Variants in FKBPL observed in about 807,000 individuals in gnomAD.
FKBPL encodes the protein FK506-binding protein-like.
Under a neutral mutation model 27.9 loss-of-function variants are expected in FKBPL, and 31 were observed. That is an observed-to-expected ratio of 1.11 (90% CI 0.83 to 1.50). The LOEUF (loss-of-function observed/expected upper bound fraction) is 1.50. Ranked by LOEUF, FKBPL falls within the 40% of genes most tolerant of loss-of-function variation. The probability of loss-of-function intolerance (pLI) is 0.00; values close to 1 mark genes in which losing one functional copy is unlikely to be tolerated. For missense variants in FKBPL, 355 were observed against 425.9 expected (o/e 0.83, Z 1.46); for synonymous variants, 134 against 169.5 (o/e 0.79, Z 1.63).
At position 32,129,556 on chromosome 6, in the gene FKBPL, T is replaced by C. The variant is rs146458519; in HGVS notation, c.225A>G (p.Gly75=). 3.1e-5 allele frequency: 50 copies of C among 1,609,918 alleles called. No homozygotes were observed. The African/African-American group carries it at 4.9e-4, about 16-fold the overall frequency. ...GAEKLVAELE[G]DSHKSHGSTS... is the part of the protein sequence containing the mutation. ...TTGATCCATGAGACTTATGAGAGTCTCCTTCAAGTTCAGCAACCAGTTTTT... is the reference window on the plus strand; with the variant it reads ...TTGATCCATGAGACTTATGAGAGTCCCCTTCAAGTTCAGCAACCAGTTTTT... The change falls in exon 2 of 2, where the codon GGA becomes GGG. Residue 75 remains glycine (G), a synonymous_variant. Coordinates refer to ENST00000375156, the MANE Select transcript of FKBPL (RefSeq NM_022110.4). This position sits in a 1 kb window ranked among gnomAD's most constrained non-coding sequence, Gnocchi z 4.5.
chr6:32,128,816 G>A lies in FKBPL; in HGVS notation c.965C>T (p.Ala322Val), dbSNP rs1316162374. The stretch of plus-strand genomic sequence containing the variant: ...GACCACCTTCCCCAGTTCCTCCTGG[G>A]CTGCCCGGTTTTTGGGATCTATCGC... Reference protein sequence around the residue: ...VLAIDPKNRAAQEELGKVVIQ... With the variant: ...VLAIDPKNRAVQEELGKVVIQ... Residue 322 changes from alanine (A) to valine (V), a missense_variant, in exon 2 of 2, where the codon GCC (alanine) becomes GTC (valine). Ala to Val is a moderately conservative substitution (Grantham distance 64, BLOSUM62 0). Transcript: ENST00000375156. 11 of 1,614,098 alleles carry A rather than the reference G, an allele frequency of 6.8e-6. No individual in the cohort carries two copies. The highest frequency in any genetic ancestry group is 8.5e-6 in the Non-Finnish European group (10 of 1,180,038).
In FKBPL at chr6:32,129,320, T is replaced by G; in HGVS notation, c.461A>C (p.Glu154Ala). 1 of 1,614,050 alleles carries G rather than the reference T, an allele frequency of 6.2e-7. No homozygotes were observed. The highest frequency in any genetic ancestry group is 8.5e-7 in the Non-Finnish European group (1 of 1,180,016). Residue 154 changes from glutamate (E) to alanine (A), a missense_variant, in exon 2 of 2, where the codon GAA becomes GCA. By Grantham distance (107) the Glu-to-Ala change is moderately radical. Coordinates refer to ENST00000375156, the MANE Select transcript of FKBPL (RefSeq NM_022110.4). The surrounding 1 kb of genome is among the most constrained non-coding windows in gnomAD (Gnocchi z 4.5). ...TTTCTCTATGAGCTCCCCCCAAGTT[T>G]CCTCCCTCCATGGCCCTACGCCCAT... Reference protein sequence around the residue: ...LTMGVGPWREETWGELIEKCL... With the variant: ...LTMGVGPWREATWGELIEKCL...
In FKBPL at chr6:32,129,408, G is replaced by A. The variant is rs768673492; in HGVS notation, c.373C>T (p.Arg125Trp). The A allele has an allele frequency of 6.2e-7, 1 of 1,614,236 alleles. No individual in the cohort carries two copies. Among genetic ancestry groups the A allele is most frequent in the Non-Finnish European group, 8.5e-7 (1 of 1,180,040 alleles). ...LDKPKLGSCC[R>W]VLALGFPFGS... ...AAAGGAAACCCCAAAGCCAGTACCC[G>A]GCAGCAGGAGCCTAGTTTGGGTTTG... is the stretch of plus-strand genomic sequence containing the variant. The change falls in exon 2 of 2, where the codon CGG becomes TGG. Residue 125 changes from arginine to tryptophan, a missense_variant. Arg to Trp is a moderately radical substitution (Grantham distance 101). Transcript: ENST00000375156. This position sits in a 1 kb window ranked among gnomAD's most constrained non-coding sequence, Gnocchi z 4.5.
At position 32,129,194 on chromosome 6, in the gene FKBPL, C is replaced by CG; in HGVS notation, c.586dup (p.Arg196ProfsTer9). 6.2e-7 allele frequency: 1 copy of CG among 1,614,250 alleles called. No homozygotes were observed. The highest frequency in any genetic ancestry group is 8.5e-7 in the Non-Finnish European group (1 of 1,180,034). ...GCTAGTCTCCAGCTCCCAGGAGTCT[C>CG]GGCCTTGAGTGAAGGATGCCAGTGT... On this transcript the variant is annotated frameshift_variant, in exon 2 of 2. Transcript: ENST00000375156. LOFTEE classifies it high-confidence loss of function. This position sits in a 1 kb window ranked among gnomAD's most constrained non-coding sequence, Gnocchi z 4.5.
In FKBPL at chr6:32,129,401, A is replaced by T; in HGVS notation, c.380T>A (p.Leu127Gln). The change falls in exon 2 of 2, where the codon CTG (leucine) becomes CAG (glutamine). Residue 127 changes from leucine to glutamine, a missense_variant. By Grantham distance (113) the Leu-to-Gln change is moderately radical. Transcript: ENST00000375156. The surrounding 1 kb of genome is among the most constrained non-coding windows in gnomAD (Gnocchi z 4.5). ...KPKLGSCCRVLALGFPFGSGP... is the reference protein window; with the variant it reads ...KPKLGSCCRVQALGFPFGSGP... ...TGATCCGAAAGGAAACCCCAAAGCC[A>T]GTACCCGGCAGCAGGAGCCTAGTTT... 1 of 1,614,238 alleles carries T rather than the reference A, an allele frequency of 6.2e-7. No homozygotes were observed. Among genetic ancestry groups the T allele is most frequent in the Non-Finnish European group, 8.5e-7 (1 of 1,180,038 alleles).
Position 32,130,081 on chromosome 6 carries a change from G to A in FKBPL, c.-75+14C>T. On this transcript the variant is annotated intron_variant, in intron 1 of 1. Transcript: ENST00000375156. ...CCGCGCCAACTACGGACACCCGGTCGGGTCAATAAGTACCTGCGCGGCCAA... is the reference window on the plus strand; with the variant it reads ...CCGCGCCAACTACGGACACCCGGTCAGGTCAATAAGTACCTGCGCGGCCAA... The A allele has an allele frequency of 1.9e-6, 1 of 538,054 alleles. No individual in the cohort carries two copies. Among genetic ancestry groups the A allele is most frequent in the Non-Finnish European group, 3.3e-6 (1 of 302,264 alleles). The allele number at this position is 538,054 out of a possible 1,614,324, so 33.3% of individuals were successfully genotyped here. A position where few individuals can be genotyped will look rare whatever the true frequency, so the allele number is the denominator to read the frequency against.
rs778901246 is a variant in FKBPL, at chr6:32,129,548, T to C, written c.233A>G (p.His78Arg). The change falls in exon 2 of 2, where the codon CAT becomes CGT. Residue 78 changes from histidine to arginine, a missense_variant. His to Arg is a conservative substitution (Grantham distance 29, BLOSUM62 0). Transcript: ENST00000375156. The surrounding 1 kb of genome is among the most constrained non-coding windows in gnomAD (Gnocchi z 4.5). ...CTGACTGGTTGATCCATGAGACTTA[T>C]GAGAGTCTCCTTCAAGTTCAGCAAC... ...KLVAELEGDS[H>R]KSHGSTSQMP... 11 of 1,614,052 alleles carry C rather than the reference T, an allele frequency of 6.8e-6. No homozygotes were observed. The Admixed American group carries it at 8.3e-5, about 12-fold the overall frequency.
chr6:32,128,913 A>G lies in FKBPL; in HGVS notation c.868T>C (p.Tyr290His), dbSNP rs746223151. The G allele has an allele frequency of 3.1e-6, 5 of 1,614,028 alleles. No individual in the cohort carries two copies. In the East Asian group the frequency reaches 1.1e-4, roughly 36 times the overall value. Reference sequence around the variant, plus strand: ...GCAGCCTGGGCAACCCCCCTTCGGTATAAGGCCTTTAAATGGCCAGGCTCC... The same window carrying G: ...GCAGCCTGGGCAACCCCCCTTCGGTGTAAGGCCTTTAAATGGCCAGGCTCC... The part of the protein sequence containing the change: ...EREPGHLKAL[Y>H]RRGVAQAALG... The change falls in exon 2 of 2, where the codon TAC (tyrosine) becomes CAC (histidine). Residue 290 changes from tyrosine (Y) to histidine (H), a missense_variant. Physicochemically the swap from Tyr to His is moderately conservative, Grantham distance 83 (BLOSUM62 2). Transcript: ENST00000375156.
At position 32,128,940 on chromosome 6, in the gene FKBPL, G is replaced by A; in HGVS notation, c.841C>T (p.Arg281Trp). 6.2e-7 allele frequency: 1 copy of A among 1,614,034 alleles called. No individual in the cohort carries two copies. The highest frequency in any genetic ancestry group is 8.5e-7 in the Non-Finnish European group (1 of 1,179,958). The change falls in exon 2 of 2, where the codon CGG becomes TGG. Residue 281 changes from arginine to tryptophan, a missense_variant. Coordinates refer to ENST00000375156, the MANE Select transcript of FKBPL (RefSeq NM_022110.4). ...AAGGCCTTTAAATGGCCAGGCTCCCGCTCCAACACCCGGTCACAGCTCTGG... is the reference window on the plus strand; with the variant it reads ...AAGGCCTTTAAATGGCCAGGCTCCCACTCCAACACCCGGTCACAGCTCTGG... Reference protein sequence around the residue: ...AAQSCDRVLEREPGHLKALYR... With the variant: ...AAQSCDRVLEWEPGHLKALYR...
At position 32,129,828 on chromosome 6, in the gene FKBPL, A is replaced by C; in HGVS notation, c.-48T>G. 1 of 1,562,016 alleles carries C rather than the reference A, an allele frequency of 6.4e-7. No homozygotes were observed. Among genetic ancestry groups the C allele is most frequent in the East Asian group, 2.3e-5 (1 of 43,916 alleles). On this transcript the variant is annotated 5_prime_UTR_variant, in exon 2 of 2. Coordinates refer to ENST00000375156, the MANE Select transcript of FKBPL (RefSeq NM_022110.4). This position sits in a 1 kb window ranked among gnomAD's most constrained non-coding sequence, Gnocchi z 4.5. ...GGTGAGTGAACAGTTTTGGTCAGAAAGGGATGAACCAGGTTCAGGTCAGCA... is the reference window on the plus strand; with the variant it reads ...GGTGAGTGAACAGTTTTGGTCAGAACGGGATGAACCAGGTTCAGGTCAGCA...
Sources: gnomAD v4.1 joint callset for allele counts on GRCh38, gnomAD v4.1.1 for gene constraint, Gnocchi (gnomAD v3.1) non-coding constraint, MANE v1.5 for transcripts, NCBI Gene and HGNC (gene_info 2026-07-23, HGNC 2026-07-21) for gene names.